RFX6: variants seen among roughly 807,000 people sequenced by gnomAD.
RFX6 encodes DNA-binding protein RFX6.
RFX6 carries 50 observed loss-of-function variants against 110.8 expected under a neutral mutation model. The observed-to-expected ratio is 0.45, with a 90% CI of 0.36 to 0.57. RFX6 has a LOEUF of 0.57. Among genes scored for constraint, RFX6 ranks in the 20% least tolerant of loss-of-function variants. RFX6 has a pLI of 0.00. For synonymous variants in RFX6, 383 were observed against 411.2 expected (o/e 0.93, Z 0.83); for missense variants, 990 against 1,127.0 (o/e 0.88, Z 1.74).
intron 6 of RFX6, among the ~76,000 whole-genome samples, chr6:116,910,031 A>G (rs956775199): frequency 4.6e-5 from 7 of 152,160 alleles, no homozygotes; most frequent in African/African-American, 1.7e-4. Flanking sequence ...TGACAGAGAT[A>G]AACAAAGAAG....
rs189943128 is a variant in RFX6 at position 116,914,586 on chromosome 6, G to A, written c.781-1422G>A. Reference sequence around the variant, plus strand: ...TAGAGCAATTCTCATTTGCATTGATGGTAACATATCCTGCTAGAGGTATTC... The same window carrying A: ...TAGAGCAATTCTCATTTGCATTGATAGTAACATATCCTGCTAGAGGTATTC... On this transcript the variant is annotated intron_variant, in intron 7 of 18. Coordinates refer to ENST00000332958, the MANE Select transcript of RFX6 (RefSeq NM_173560.4). 6.8e-3 allele frequency among the ~76,000 whole-genome samples: 1,039 copies of A among 152,202 alleles called. 4 individuals carry two copies. Among genetic ancestry groups the A allele is most frequent in the Non-Finnish European group, 0.012 (799 of 68,016 alleles).
chr6:116,877,949 A>T lies in RFX6; in HGVS notation c.377A>T (p.Gln126Leu). The change falls in exon 2 of 19, where the codon CAG becomes CTG. Residue 126 changes from glutamine to leucine, a missense_variant. By Grantham distance (113) the Gln-to-Leu change is moderately radical. Transcript: ENST00000332958. ...DKKKQTQLTLQWLEENYIVCE... is the reference protein window; with the variant it reads ...DKKKQTQLTLLWLEENYIVCE... ...AAGAAGCAGACACAGCTCACGCTGCAGTGGTGAGACTCGCCCGCAGGGTAC... is the reference window on the plus strand; with the variant it reads ...AAGAAGCAGACACAGCTCACGCTGCTGTGGTGAGACTCGCCCGCAGGGTAC... The T allele has an allele frequency of 6.2e-7, 1 of 1,614,094 alleles. No individual in the cohort carries two copies. The highest frequency in any genetic ancestry group is 8.5e-7 in the Non-Finnish European group (1 of 1,179,952).
In RFX6 at chr6:116,877,253, G is replaced by T; in HGVS notation, c.-23G>T. Reference sequence around the variant, plus strand: ...GGGGAACCGGCCGAGCGGCGCGCGCGGAGGTGTCCGGCGGCCAGGAGGATG... The same window carrying T: ...GGGGAACCGGCCGAGCGGCGCGCGCTGAGGTGTCCGGCGGCCAGGAGGATG... On this transcript the variant is annotated 5_prime_UTR_variant, in exon 1 of 19. Transcript: ENST00000332958. 1 of 1,578,796 alleles carries T rather than the reference G, an allele frequency of 6.3e-7. No homozygotes were observed. Among genetic ancestry groups the T allele is most frequent in the Non-Finnish European group, 8.6e-7 (1 of 1,158,738 alleles).
intron 1 of RFX6, 119 bp downstream of exon 1, chr6:116,877,617 A>G: frequency 9.3e-7 from 1 of 1,076,928 alleles, no homozygotes; most frequent in Non-Finnish European, 1.3e-6. Flanking sequence ...GTTCTGTCCA[A>G]ATCTTTGTAT....
intron 6 of RFX6, among the ~76,000 whole-genome samples, chr6:116,906,731 T>C (rs1775209722): frequency 7.0e-6 from 1 of 143,328 alleles, no homozygotes; most frequent in Non-Finnish European, 1.5e-5. Context: ...CTTTGTTGAA[T>C]CCATTTATGA....
At chr6:116,890,114 G>A (rs1373840187) in intron 4 of RFX6, among the ~76,000 whole-genome samples, 1 of 152,050 alleles carries the variant, frequency 6.6e-6, no homozygotes, top group Non-Finnish European at 1.5e-5. Context: ...AAATAAAATT[G>A]CAATACAAAA....
chr6:116,880,555 A>C lies in RFX6; in HGVS notation c.392A>C (p.Asn131Thr). The part of the protein sequence containing the change: ...TQLTLQWLEE[N>T]YIVCEGVCLP... ...TTCCTTTTTCTTAGGCTTGAAGAGA[A>C]TTACATTGTATGTGAAGGAGTTTGC... Residue 131 changes from asparagine to threonine, a missense_variant, in exon 3 of 19, where the codon AAT becomes ACT. Asn to Thr is a moderately conservative substitution (Grantham distance 65). This residue lies in a region of RFX6 where 175 missense variants were observed against 162.3 expected (regional missense o/e 1.08). Transcript: ENST00000332958. The C allele has an allele frequency of 6.2e-7, 1 of 1,612,916 alleles. No homozygotes were observed. The highest frequency in any genetic ancestry group is 8.5e-7 in the Non-Finnish European group (1 of 1,179,158).
chr6:116,883,616 C>T (rs373722613), intron 4 of RFX6, among the ~76,000 whole-genome samples: 34 of 152,194 alleles, frequency 2.2e-4, no homozygotes, highest in African/African-American at 6.5e-4. Context: ...TTTCATACTA[C>T]GTTTTTGAAA....
rs765608557 is a variant in RFX6, at chr6:116,923,199, C to T, written c.1530C>T (p.Leu510=). ...TTGGTGCTCGAGTAATGCATAATCT[C>T]ACCTTGAACAATGCATCCAGTTTTG... ...SFFGARVMHN[L]TLNNASSFGS... The change falls in exon 14 of 19, where the codon CTC becomes CTT. Residue 510 remains leucine, a synonymous_variant. Transcript: ENST00000332958. 6 of 1,559,282 alleles carry T rather than the reference C, an allele frequency of 3.8e-6. No individual in the cohort carries two copies. The Admixed American group carries it at 1.0e-4, about 26-fold the overall frequency.
chr6:116,895,033 C>T (rs974033832), intron 5 of RFX6, 147 bp from the exon 6 acceptor site: 6 of 530,932 alleles, frequency 1.1e-5, no homozygotes, highest in Admixed American at 3.2e-5. Context: ...GAGAAAGATG[C>T]TTGATTTCTT....
At chr6:116,920,096 T>C (rs1473427033) in intron 11 of RFX6, among the ~76,000 whole-genome samples, 1 of 152,228 alleles carries the variant, frequency 6.6e-6, no homozygotes, top group Non-Finnish European at 1.5e-5. Flanking sequence ...TTGCACCCAT[T>C]AACTCATCAT....
At chr6:116,901,364 A>ATTTAGT (rs10626326) in intron 6 of RFX6, among the ~76,000 whole-genome samples, 122,279 of 151,366 alleles carry the variant, frequency 0.81, 49,604 homozygotes, top group East Asian at 0.89. Flanking sequence ...AAAGTAAAAA[A>ATTTAGT]TGCTCAGTCA....
rs773482532 is a variant in RFX6, at chr6:116,882,426, A to G, written c.564A>G (p.Ser188=). 6.2e-7 allele frequency: 1 copy of G among 1,608,344 alleles called. No individual in the cohort carries two copies. Among genetic ancestry groups the G allele is most frequent in the South Asian group, 1.1e-5 (1 of 90,964 alleles). Residue 188 remains serine (S), a splice_region_variant and synonymous_variant, in exon 4 of 19, where the codon TCA becomes TCG. Transcript: ENST00000332958. The part of the protein sequence containing the change: ...TTRRLGTRGH[S]KYHYYGIGIK... ...GGCGGCTTGGAACAAGAGGCCATTC[A>G]AAGTAAGATACCAGTGAACATATTC...
intron 6 of RFX6, among the ~76,000 whole-genome samples, chr6:116,908,845 A>G (rs1291977330): frequency 6.6e-6 from 1 of 151,926 alleles, no homozygotes; most frequent in Non-Finnish European, 1.5e-5. Flanking sequence ...ATGAATTTAA[A>G]CCTGAGTATG....
intron 7 of RFX6, among the ~76,000 whole-genome samples, chr6:116,913,854 C>T (rs908479264): frequency 1.3e-5 from 2 of 152,096 alleles, no homozygotes; most frequent in Non-Finnish European, 2.9e-5. Flanking sequence ...TGATAATATG[C>T]TTATATAATT....
At chr6:116,920,192 GA>G (rs1775561681) in intron 11 of RFX6, 117 bp from the exon 12 acceptor site, 2 of 849,886 alleles carry the variant, frequency 2.4e-6, no homozygotes, top group African/African-American at 1.7e-5. Context: ...TTTAAAATAA[GA>G]AAAAAGTTAT....
rs752212354 is a variant in RFX6, at chr6:116,924,719, A to G, written c.1606A>G (p.Met536Val). 8 of 1,601,434 alleles carry G rather than the reference A, an allele frequency of 5.0e-6. No homozygotes were observed. The highest frequency in any genetic ancestry group is 2.2e-5 in the East Asian group (1 of 44,806). Residue 536 changes from methionine to valine, a missense_variant, in exon 15 of 19, where the codon ATG (methionine) becomes GTG (valine). By Grantham distance (21) the Met-to-Val change is conservative. Around this residue, in one of 5 missense-constraint regions of RFX6, gnomAD observed 89 missense variants for 140.3 expected, o/e 0.63. Coordinates refer to ENST00000332958, the MANE Select transcript of RFX6 (RefSeq NM_173560.4). ...MLLDEYILLA[M>V]ETQFNNDKEQ... ...TCTCGATGAATACATTCTCCTGGCCATGGAGACCCAGTTTAATAATGACAA... is the reference window on the plus strand; with the variant it reads ...TCTCGATGAATACATTCTCCTGGCCGTGGAGACCCAGTTTAATAATGACAA...
rs558474430 is a variant in RFX6 at position 116,883,660 on chromosome 6, A to G, written c.566+1232A>G. On this transcript the variant is annotated intron_variant, in intron 4 of 18. Transcript: ENST00000332958. ...GTATTTTACACTTACATCACATCTC[A>G]GTTTAGACTAGCCACATTTCCTGTG... Among the ~76,000 whole-genome samples, 9 of 152,222 alleles carry G rather than the reference A, an allele frequency of 5.9e-5. No homozygotes were observed. The South Asian group carries it at 1.9e-3, about 32-fold the overall frequency.
At chr6:116,931,234 G>A in intron 18 of RFX6, 97 bp from the exon 19 acceptor site, 1 of 900,804 alleles carries the variant, frequency 1.1e-6, no homozygotes, top group South Asian at 1.3e-5. Context: ...TGTGTGCTAA[G>A]TGCAAAAATA....
Sources: allele counts gnomAD v4.1 joint callset (sites outside exome capture counted in the v4.1 genomes callset), GRCh38; gene constraint gnomAD v4.1.1; regional missense constraint gnomAD v4.1.1; transcripts MANE v1.5; gene names NCBI Gene and HGNC (gene_info 2026-07-23, HGNC 2026-07-21).